DLGAP1: variants seen among roughly 807,000 people sequenced by gnomAD.
The protein encoded by DLGAP1 is disks large-associated protein 1.
DLGAP1 carries 11 observed loss-of-function variants against 90.8 expected under a neutral mutation model. The observed-to-expected ratio is 0.12, with a 90% confidence interval of 0.08 to 0.20. DLGAP1 has a LOEUF of 0.20. DLGAP1 is among the 10% of genes least tolerant of loss of function. The pLI is 1.00. For synonymous variants in DLGAP1, 558 were observed against 540.7 expected (o/e 1.03, Z -0.44); for missense variants, 1,050 against 1,333.8 (o/e 0.79, Z 3.31).
chr18:3,906,737 G>A (rs999491120), intron 3 of DLGAP1, among the ~76,000 whole-genome samples: 1 of 152,132 alleles, frequency 6.6e-6, no homozygotes, highest in Non-Finnish European at 1.5e-5. Context: ...GAAAAATGGT[G>A]AAAATTTAGA....
rs538643076 is a variant in DLGAP1, at chr18:3,569,095, G to A, written c.1966-1514C>T. On this transcript the variant is annotated intron_variant, in intron 8 of 12. Coordinates refer to ENST00000315677, the MANE Select transcript of DLGAP1 (RefSeq NM_004746.4). Reference sequence around the variant, plus strand: ...TCAGCTCCTGCAACCTCCGCTTCCCGGGTTCAAGCAATTCTCCTGCCTCAG... The same window carrying A: ...TCAGCTCCTGCAACCTCCGCTTCCCAGGTTCAAGCAATTCTCCTGCCTCAG... Among the ~76,000 whole-genome samples, 22 of 151,484 alleles carry A rather than the reference G, an allele frequency of 1.5e-4. 1 individual carries two copies. In the South Asian group the frequency reaches 4.7e-3, roughly 32 times the overall value.
At chr18:4,327,311 CACATT>C (rs1252197061) in intron 1 of DLGAP1, among the ~76,000 whole-genome samples, 1 of 151,916 alleles carries the variant, frequency 6.6e-6, no homozygotes, top group Non-Finnish European at 1.5e-5. Context: ...ATCAAAACAT[CACATT>C]ACATCCTGTA....
chr18:4,125,116 T>G (rs531474473), intron 2 of DLGAP1, among the ~76,000 whole-genome samples: 1 of 152,266 alleles, frequency 6.6e-6, no homozygotes. Context: ...GTAGACTTAG[T>G]GCATAGAAAC....
intron 1 of DLGAP1, among the ~76,000 whole-genome samples, chr18:4,277,834 T>C (rs2079450227): frequency 6.6e-6 from 1 of 152,200 alleles, no homozygotes; most frequent in Non-Finnish European, 1.5e-5. Flanking sequence ...CACATATCGG[T>C]AATATTGCAT....
At chr18:4,340,450 A>G (rs1031020811) in intron 1 of DLGAP1, among the ~76,000 whole-genome samples, 3 of 152,188 alleles carry the variant, frequency 2.0e-5, no homozygotes, top group Non-Finnish European at 4.4e-5. Context: ...ACCATGGGTA[A>G]CTGAAATCAT....
chr18:3,744,520 T>C (rs1349642617), intron 5 of DLGAP1, among the ~76,000 whole-genome samples: 1 of 152,212 alleles, frequency 6.6e-6, no homozygotes, highest in Non-Finnish European at 1.5e-5. Context: ...AATTTATCTA[T>C]AAATTTAACG....
At chr18:4,265,641 T>TCCCTCCCTCCCTCCC (rs1568480247) in intron 1 of DLGAP1, among the ~76,000 whole-genome samples, 18 of 28,304 alleles carry the variant, frequency 6.4e-4, no homozygotes, top group East Asian at 2.3e-3. Context: ...CTCCCTCCCC[T>TCCCTCCCTCCCTCCC]TCCCTCCCTC....
chr18:4,232,091 C>A (rs115942723), intron 1 of DLGAP1, among the ~76,000 whole-genome samples: 6,127 of 152,184 alleles, frequency 0.04, 156 homozygotes, highest in Middle Eastern at 0.054. Context: ...TATTAAATCA[C>A]GGATTCATTT....
intron 2 of DLGAP1, among the ~76,000 whole-genome samples, chr18:4,048,863 T>C (rs892841954): frequency 6.6e-6 from 1 of 152,230 alleles, no homozygotes; most frequent in African/African-American, 2.4e-5. Context: ...CTTGTATGTA[T>C]AGTTCTTTCA....
At chr18:4,352,798 C>T (rs2081428618) in intron 1 of DLGAP1, among the ~76,000 whole-genome samples, 1 of 152,160 alleles carries the variant, frequency 6.6e-6, no homozygotes, top group South Asian at 2.1e-4. Context: ...AGTCTTTACG[C>T]TTATTTGACT....
At chr18:3,998,967 T>C (rs1039784105) in intron 3 of DLGAP1, among the ~76,000 whole-genome samples, 3 of 152,184 alleles carry the variant, frequency 2.0e-5, no homozygotes, top group Admixed American at 1.3e-4. Flanking sequence ...AGGCTTATTT[T>C]ACTTTTGATA....
intron 7 of DLGAP1, among the ~76,000 whole-genome samples, chr18:3,726,633 A>ACTAT (rs1346632448): frequency 6.6e-6 from 1 of 152,240 alleles, no homozygotes; most frequent in Non-Finnish European, 1.5e-5. Flanking sequence ...GTTAGAATCT[A>ACTAT]CTATAATGGT....
At chr18:4,010,915 C>G (rs1296810208) in intron 2 of DLGAP1, among the ~76,000 whole-genome samples, 1 of 151,528 alleles carries the variant, frequency 6.6e-6, no homozygotes, top group Non-Finnish European at 1.5e-5. Flanking sequence ...GTGGCTCACA[C>G]CTGTAATCCC....
chr18:4,047,824 G>T (rs1239179291), intron 2 of DLGAP1, among the ~76,000 whole-genome samples: 1 of 152,132 alleles, frequency 6.6e-6, no homozygotes, highest in Non-Finnish European at 1.5e-5. Flanking sequence ...TAGAGATGGG[G>T]TTGCTCTGTT....
chr18:4,195,453 T>A, intron 1 of DLGAP1, among the ~76,000 whole-genome samples: 1 of 152,214 alleles, frequency 6.6e-6, no homozygotes, highest in East Asian at 1.9e-4. Flanking sequence ...CTAAAAATGA[T>A]AAAAGATGCG....
At chr18:4,208,361 T>C (rs1238814439) in intron 1 of DLGAP1, among the ~76,000 whole-genome samples, 1 of 152,188 alleles carries the variant, frequency 6.6e-6, no homozygotes, top group South Asian at 2.1e-4. Flanking sequence ...TAAATTTGCA[T>C]GAAATAATAG....
At chr18:3,731,864 C>T (rs1935768182) in intron 6 of DLGAP1, among the ~76,000 whole-genome samples, 1 of 152,028 alleles carries the variant, frequency 6.6e-6, no homozygotes, top group Non-Finnish European at 1.5e-5. Context: ...AGAAGCAAAA[C>T]TTTTCTGGAC....
chr18:3,709,880 G>A (rs2061548368), intron 7 of DLGAP1, among the ~76,000 whole-genome samples: 2 of 152,120 alleles, frequency 1.3e-5, no homozygotes, highest in Admixed American at 6.5e-5. Context: ...GACAGCATGG[G>A]CATAAGGGTA....
intron 1 of DLGAP1, among the ~76,000 whole-genome samples, chr18:4,214,471 T>C (rs1214744270): frequency 6.6e-6 from 1 of 152,176 alleles, no homozygotes; most frequent in African/African-American, 2.4e-5. Context: ...GATACAGTGG[T>C]AAATCAAACA....
Sources: allele counts gnomAD v4.1 joint callset (sites outside exome capture counted in the v4.1 genomes callset), GRCh38; gene constraint gnomAD v4.1.1; transcripts MANE v1.5; gene names NCBI Gene and HGNC (gene_info 2026-07-23, HGNC 2026-07-21).